The following C8orf34 variants were observed in gnomAD, a reference collection of about 807,000 sequenced individuals.
C8orf34 encodes the protein uncharacterized protein C8orf34.
A neutral mutation model predicts 68.3 loss-of-function variants in C8orf34; 65 were observed. The ratio of observed to expected loss-of-function variants is 0.95; its 90% confidence interval spans 0.78 to 1.17. The LOEUF (loss-of-function observed/expected upper bound fraction) is 1.17. Among genes scored for constraint, C8orf34 ranks in the 50% most tolerant of loss-of-function variants. The pLI is 0.00. For missense variants in C8orf34, 664 were observed against 655.4 expected (o/e 1.01, Z -0.14); for synonymous variants, 244 against 241.2 (o/e 1.01, Z -0.11).
chr8:68,652,803 C>T (rs1819401463), intron 8 of C8orf34, among the ~76,000 whole-genome samples: 2 of 152,100 alleles, frequency 1.3e-5, no homozygotes, highest in Non-Finnish European at 2.9e-5. Context: ...CTCCAAGGAT[C>T]CCTGGTTCCT....
intron 1 of C8orf34, among the ~76,000 whole-genome samples, chr8:68,413,207 C>G (rs956109962): frequency 6.6e-6 from 1 of 152,146 alleles, no homozygotes; most frequent in Non-Finnish European, 1.5e-5. Context: ...TCACGTTTCC[C>G]TTTTCTCAAA....
chr8:68,570,550 C>A (rs1302935869), intron 7 of C8orf34, among the ~76,000 whole-genome samples: 2 of 152,192 alleles, frequency 1.3e-5, no homozygotes, highest in African/African-American at 4.8e-5. Context: ...GTTCCCCTAT[C>A]TAATTTCTAC....
intron 10 of C8orf34, among the ~76,000 whole-genome samples, chr8:68,738,294 T>TTC (rs1822179578): frequency 6.6e-6 from 1 of 152,040 alleles, no homozygotes; most frequent in Non-Finnish European, 1.5e-5. Flanking sequence ...GGGACACAGC[T>TTC]AAGGCAGTGT....
intron 7 of C8orf34, among the ~76,000 whole-genome samples, chr8:68,632,655 G>T (rs942981677): frequency 5.3e-5 from 8 of 152,096 alleles, no homozygotes; most frequent in Admixed American, 6.5e-5. Context: ...GGGAAAAATG[G>T]TTTTATGGGT....
chr8:68,467,927 A>T (rs10104369), intron 3 of C8orf34, among the ~76,000 whole-genome samples: 6,103 of 151,692 alleles, frequency 0.04, 403 homozygotes, highest in African/African-American at 0.13. Flanking sequence ...ACCATTTTTT[A>T]AAAAAAATAT....
chr8:68,385,364 A>C (rs1459576734), intron 1 of C8orf34, among the ~76,000 whole-genome samples: 1 of 152,222 alleles, frequency 6.6e-6, no homozygotes, highest in Non-Finnish European at 1.5e-5. Context: ...ATACTTGCCA[A>C]GCTGACAGAT....
chr8:68,367,812 G>C lies in C8orf34; in HGVS notation c.327+36473G>C, dbSNP rs1585997790. ...ATACCTAATGCTAGATGACGAGTTA[G>C]TGGGTGCAGCGCACCAGCATGGCAC... On this transcript the variant is annotated intron_variant, in intron 1 of 13. Coordinates refer to ENST00000518698, the MANE Select transcript of C8orf34 (RefSeq NM_052958.4). Among the ~76,000 whole-genome samples, 6 of 137,128 alleles carry C rather than the reference G, an allele frequency of 4.4e-5. No individual in the cohort carries two copies. The South Asian group carries it at 1.5e-3, about 33-fold the overall frequency. The allele number at this position is 137,128 out of a possible 152,430, so 90.0% of individuals were successfully genotyped here.
intron 5 of C8orf34, among the ~76,000 whole-genome samples, chr8:68,494,640 A>G (rs1238030034): frequency 1.3e-5 from 2 of 152,068 alleles, no homozygotes; most frequent in Non-Finnish European, 2.9e-5. Context: ...GGATCACTTG[A>G]GGTCAGGAGT....
chr8:68,665,690 C>T (rs1363764001), intron 8 of C8orf34, among the ~76,000 whole-genome samples: 1 of 152,202 alleles, frequency 6.6e-6, no homozygotes, highest in Non-Finnish European at 1.5e-5. Flanking sequence ...CTGATGTGGG[C>T]TCCACACAGA....
chr8:68,700,801 G>A (rs1476850041), intron 8 of C8orf34, among the ~76,000 whole-genome samples: 1 of 152,084 alleles, frequency 6.6e-6, no homozygotes. Flanking sequence ...AAAATTGAGT[G>A]AGTGACAATA....
chr8:68,438,461 C>T (rs558835536), intron 1 of C8orf34: 1 of 152,142 alleles, frequency 6.6e-6, no homozygotes, highest in Admixed American at 6.5e-5. Flanking sequence ...AACAGACCAC[C>T]ACCAACAAAA....
intron 7 of C8orf34, among the ~76,000 whole-genome samples, chr8:68,563,988 G>A (rs1242370112): frequency 6.6e-6 from 1 of 152,122 alleles, no homozygotes; most frequent in Non-Finnish European, 1.5e-5. Context: ...ACAAAAGCAT[G>A]TCTGAAAAAG....
chr8:68,605,410 G>T lies in C8orf34; in HGVS notation c.1106-34966G>T, dbSNP rs552208028. On this transcript the variant is annotated intron_variant, in intron 7 of 13. Transcript: ENST00000518698. ...ATGTCTACACAAAAACCTGCACATG[G>T]ATGTTTATAGCAGCTTTATTCATAA... Among the ~76,000 whole-genome samples, 13 of 152,200 alleles carry T rather than the reference G, an allele frequency of 8.5e-5. 1 individual carries two copies. The highest frequency in any genetic ancestry group is 3.4e-3 in the Middle Eastern group (1 of 294).
chr8:68,736,421 C>T lies in C8orf34; in HGVS notation c.1404+14984C>T, dbSNP rs74772743. Among the ~76,000 whole-genome samples, 1,416 of 152,068 alleles carry T rather than the reference C, an allele frequency of 9.3e-3. 19 individuals carry two copies. The highest frequency in any genetic ancestry group is 0.033 in the African/African-American group (1,353 of 41,500). On this transcript the variant is annotated intron_variant, in intron 10 of 13. Coordinates refer to ENST00000518698, the MANE Select transcript of C8orf34 (RefSeq NM_052958.4). ...CCCCCAATCATATAGAACTAGAATT[C>T]CTTTAGGTTTATTCTGAATGTCCTT...
At chr8:68,669,336 C>T (rs764047379) in intron 8 of C8orf34, among the ~76,000 whole-genome samples, 2 of 152,060 alleles carry the variant, frequency 1.3e-5, no homozygotes, top group African/African-American at 2.4e-5. Flanking sequence ...GAACTCAAAG[C>T]TGCTCTAAAA....
chr8:68,413,168 T>G (rs1452625308), intron 1 of C8orf34, among the ~76,000 whole-genome samples: 1 of 152,176 alleles, frequency 6.6e-6, no homozygotes, highest in Non-Finnish European at 1.5e-5. Context: ...CTTAGTTCAA[T>G]TGCTCTTGCA....
intron 11 of C8orf34, among the ~76,000 whole-genome samples, chr8:68,782,431 C>CT (rs10539738): frequency 0.016 from 2,151 of 138,628 alleles, 21 homozygotes; most frequent in Non-Finnish European, 0.024. Flanking sequence ...GATTGAGTGT[C>CT]TTTTTTTTTT....
chr8:68,489,453 A>G (rs541589723), intron 5 of C8orf34, among the ~76,000 whole-genome samples: 45 of 152,330 alleles, frequency 3.0e-4, no homozygotes, highest in African/African-American at 1.0e-3. Context: ...ACTCATATAT[A>G]CACAAAGAGA....
intron 8 of C8orf34, among the ~76,000 whole-genome samples, chr8:68,666,249 G>T (rs1028135440): frequency 6.6e-6 from 1 of 152,100 alleles, no homozygotes; most frequent in African/African-American, 2.4e-5. Context: ...AGGTAGGGAT[G>T]GGGAGGAGGC....
Sources: allele counts gnomAD v4.1 joint callset (sites outside exome capture counted in the v4.1 genomes callset), GRCh38; gene constraint gnomAD v4.1.1; transcripts MANE v1.5; gene names NCBI Gene and HGNC (gene_info 2026-07-23, HGNC 2026-07-21).